Variants in FBXO42 observed in about 807,000 individuals in gnomAD.
FBXO42 encodes the protein F-box only protein 42.
Under a neutral mutation model 71.7 loss-of-function variants are expected in FBXO42, and 12 were observed. The observed-to-expected ratio is 0.17, with a 90% CI of 0.11 to 0.27. FBXO42 has a LOEUF of 0.27. FBXO42 is among the 10% of genes least tolerant of loss of function. The pLI is 1.00. For synonymous variants in FBXO42, 325 were observed against 327.5 expected, an observed-to-expected ratio of 0.99 and a Z score of 0.08; for missense variants, 707 against 911.9, an observed-to-expected ratio of 0.78 and a Z score of 2.89.
chr1:16,277,997 G>A (rs536423311), intron 4 of FBXO42, among the ~76,000 whole-genome samples: 74 of 151,344 alleles, frequency 4.9e-4, no homozygotes, highest in African/African-American at 1.7e-3. Flanking sequence ...AACCATGTTC[G>A]TGCCACTGTA....
At chr1:16,305,951 G>T in intron 2 of FBXO42, 32 bp from the exon 3 acceptor site, 1 of 1,380,752 alleles carries the variant, frequency 7.2e-7, no homozygotes, top group Non-Finnish European at 1.0e-6. Context: ...CTTCAGTCCA[G>T]ACACTTAACT....
intron 4 of FBXO42, among the ~76,000 whole-genome samples, chr1:16,271,262 T>G (rs1258431214): frequency 3.3e-5 from 2 of 60,808 alleles, no homozygotes; most frequent in African/African-American, 1.6e-4. Flanking sequence ...TGTGTTGGTG[T>G]GTGTGTGTGT....
intron 6 of FBXO42, among the ~76,000 whole-genome samples, 192 bp downstream of exon 6, chr1:16,255,519 G>C (rs1027257784): frequency 1.7e-4 from 26 of 152,252 alleles, no homozygotes; most frequent in African/African-American, 6.3e-4. Flanking sequence ...ATTTTTAGTA[G>C]AGATGGGGCT....
chr1:16,313,133 C>T (rs2082329102), intron 2 of FBXO42, among the ~76,000 whole-genome samples: 1 of 151,106 alleles, frequency 6.6e-6, no homozygotes, highest in African/African-American at 2.4e-5. Flanking sequence ...TGCTGTGAAC[C>T]TAAAAGTGCT....
chr1:16,323,422 A>G (rs59510943), intron 1 of FBXO42, among the ~76,000 whole-genome samples: 4,046 of 146,866 alleles, frequency 0.028, 185 homozygotes, highest in African/African-American at 0.1. Flanking sequence ...CGTCTCAAAA[A>G]CAAACAAACA....
At chr1:16,286,410 G>C (rs907878824) in intron 4 of FBXO42, among the ~76,000 whole-genome samples, 3 of 152,158 alleles carry the variant, frequency 2.0e-5, no homozygotes, top group Non-Finnish European at 4.4e-5. Flanking sequence ...GCAGCAGGAC[G>C]GAATGAGTGC....
chr1:16,268,319 T>C (rs2081801077), intron 4 of FBXO42, among the ~76,000 whole-genome samples: 1 of 152,224 alleles, frequency 6.6e-6, no homozygotes, highest in Non-Finnish European at 1.5e-5. Flanking sequence ...ATCTGTCCTA[T>C]ACAAATTTTC....
At chr1:16,261,031 T>A (rs1270221109) in intron 4 of FBXO42, among the ~76,000 whole-genome samples, 2 of 152,220 alleles carry the variant, frequency 1.3e-5, no homozygotes, top group East Asian at 3.8e-4. Flanking sequence ...AGTCAGAATA[T>A]ATCATGCTGC....
chr1:16,247,271 G>A lies in FBXO42; in HGVS notation c.*3399C>T, dbSNP rs578141873. ...ATTCAGCTTCCTCACCACCAGGCGT[G>A]GTTAGATCCTCCCCACTGACTTGTG... On this transcript the variant is annotated 3_prime_UTR_variant, in exon 10 of 10. Coordinates refer to ENST00000375592, the MANE Select transcript of FBXO42 (RefSeq NM_018994.3). The A allele has an allele frequency of 3.9e-5, 6 of 152,388 alleles. No individual in the cohort carries two copies. In the South Asian group the frequency reaches 1.0e-3, roughly 26 times the overall value. 9.4% of individuals were successfully genotyped at this position (152,388 alleles called of 1,614,324 possible). A position where few individuals can be genotyped will look rare whatever the true frequency, so the allele number is the denominator to read the frequency against.
chr1:16,341,196 A>T (rs2100632835), intron 1 of FBXO42, among the ~76,000 whole-genome samples: 1 of 152,350 alleles, frequency 6.6e-6, no homozygotes, highest in South Asian at 2.1e-4. Context: ...TTTGCTTATT[A>T]TTGCAAAATC....
intron 4 of FBXO42, among the ~76,000 whole-genome samples, chr1:16,264,353 A>ATGGT (rs1417965215): frequency 6.6e-6 from 1 of 152,208 alleles, no homozygotes; most frequent in Non-Finnish European, 1.5e-5. Flanking sequence ...CATAACCACT[A>ATGGT]TGGTGACATA....
At chr1:16,297,724 G>A (rs1320466461) in intron 3 of FBXO42, among the ~76,000 whole-genome samples, 4 of 151,942 alleles carry the variant, frequency 2.6e-5, no homozygotes, top group Admixed American at 6.6e-5. Flanking sequence ...AAAATTAGCC[G>A]GGCGTGGTGG....
Position 16,267,836 on chromosome 1 carries a change from G to C in FBXO42, c.503-11077C>G, listed in dbSNP as rs74686173. On this transcript the variant is annotated intron_variant, in intron 4 of 9. Transcript: ENST00000375592. ...TCATTTATGAAATATCCAAATAACA[G>C]GAACTTTTGTAATGGGCATGAGAAA... Among the ~76,000 whole-genome samples, 773 of 152,200 alleles carry C rather than the reference G, an allele frequency of 5.1e-3. 7 individuals are homozygous for C. Among genetic ancestry groups the C allele is most frequent in the Middle Eastern group, 0.031 (9 of 294 alleles).
At chr1:16,272,727 T>C (rs573830373) in intron 4 of FBXO42, among the ~76,000 whole-genome samples, 5 of 152,342 alleles carry the variant, frequency 3.3e-5, no homozygotes, top group African/African-American at 1.2e-4. Context: ...TAGGATACTT[T>C]GGGTAAAAGG....
chr1:16,295,023 T>C (rs2082114356), intron 3 of FBXO42, 106 bp from the exon 4 acceptor site: 1 of 1,349,966 alleles, frequency 7.4e-7, no homozygotes, highest in Non-Finnish European at 9.8e-7. Context: ...TTCAGCAATT[T>C]TGTTACCAAG....
At chr1:16,307,624 G>C (rs549640408) in intron 2 of FBXO42, among the ~76,000 whole-genome samples, 2 of 151,706 alleles carry the variant, frequency 1.3e-5, no homozygotes, top group East Asian at 3.9e-4. Flanking sequence ...CAGGATACAA[G>C]GTTAGCATAC....
At chr1:16,288,738 A>C (rs2082047661) in intron 4 of FBXO42, among the ~76,000 whole-genome samples, 1 of 151,944 alleles carries the variant, frequency 6.6e-6, no homozygotes, top group African/African-American at 2.4e-5. Context: ...TGGGCGGATC[A>C]CTTGAGGTCA....
At chr1:16,325,035 C>T (rs1228141061) in intron 1 of FBXO42, among the ~76,000 whole-genome samples, 1 of 152,024 alleles carries the variant, frequency 6.6e-6, no homozygotes, top group African/African-American at 2.4e-5. Flanking sequence ...CCCAGGAGTT[C>T]GTGACCAGCC....
rs371294745 is a variant in FBXO42 at position 16,279,914 on chromosome 1, T to C, written c.502+14869A>G. On this transcript the variant is annotated intron_variant, in intron 4 of 9. Coordinates refer to ENST00000375592, the MANE Select transcript of FBXO42 (RefSeq NM_018994.3). ...CAGGCTGGAGGGCAGTGGTGCAATC[T>C]TGGCTCACTGCAACCTCTGCCTCCC... is the stretch of plus-strand genomic sequence containing the variant. Among the ~76,000 whole-genome samples the C allele has an allele frequency of 1.5e-4, 22 of 149,728 alleles. No individual in the cohort carries two copies. In the East Asian group the frequency reaches 2.0e-3, roughly 13 times the overall value.
Sources: allele counts gnomAD v4.1 joint callset (sites outside exome capture counted in the v4.1 genomes callset), GRCh38; gene constraint gnomAD v4.1.1; transcripts MANE v1.5; gene names NCBI Gene and HGNC (gene_info 2026-07-23, HGNC 2026-07-21).